Variants in C10orf67 observed in about 807,000 individuals in gnomAD.
C10orf67 encodes the protein uncharacterized protein C10orf67, mitochondrial.
In C10orf67, 60 loss-of-function variants were observed where a neutral mutation model predicts 35.6. That is an observed-to-expected ratio of 1.68 (90% CI 1.37 to 2.09). C10orf67 has a LOEUF of 2.09. Among genes scored for constraint, C10orf67 ranks in the 30% most tolerant of loss-of-function variants. The probability of loss-of-function intolerance (pLI) is 0.00; values close to 1 mark genes in which losing one functional copy is unlikely to be tolerated. For synonymous variants in C10orf67, 167 were observed against 115.8 expected (o/e 1.44, Z -2.84); for missense variants, 474 against 330.2 (o/e 1.44, Z -3.38).
At chr10:23,329,446 T>C (rs1407187545) in intron 2 of C10orf67, among the ~76,000 whole-genome samples, 1 of 152,144 alleles carries the variant, frequency 6.6e-6, no homozygotes, top group Non-Finnish European at 1.5e-5. Context: ...CAGTTTTACA[T>C]GCCAGTTCTA....
chr10:23,282,511 C>T (rs1322313839), intron 7 of C10orf67, among the ~76,000 whole-genome samples: 1 of 152,120 alleles, frequency 6.6e-6, no homozygotes, highest in Non-Finnish European at 1.5e-5. Context: ...ACCTGTAATC[C>T]CAGTGCTTTG....
At chr10:23,250,943 A>G (rs1842436715) in intron 10 of C10orf67, among the ~76,000 whole-genome samples, 1 of 152,072 alleles carries the variant, frequency 6.6e-6, no homozygotes, top group African/African-American at 2.4e-5. Context: ...ACAAAAAATT[A>G]AACATTAGCA....
rs891891923 is a variant in C10orf67, at chr10:23,334,678, C to T, written c.207-1496G>A. 3.9e-5 allele frequency among the ~76,000 whole-genome samples: 6 copies of T among 152,182 alleles called. No homozygotes were observed. In the South Asian group the frequency reaches 6.2e-4, roughly 16 times the overall value. ...CTGCTTGGCAGTGGATGTCCAGGGA[C>T]GGGTGTAGAACCCAGGTCTGAAGAG... On this transcript the variant is annotated intron_variant, in intron 1 of 15. Transcript: ENST00000636213.
intron 4 of C10orf67, among the ~76,000 whole-genome samples, chr10:23,320,042 G>A (rs890484601): frequency 1.3e-5 from 2 of 152,132 alleles, no homozygotes; most frequent in Non-Finnish European, 2.9e-5. Flanking sequence ...CAGTCACAGC[G>A]CTAAAGGCAG....
At chr10:23,211,481 G>T (rs56324652) in intron 15 of C10orf67, among the ~76,000 whole-genome samples, 152 of 74,020 alleles carry the variant, frequency 2.1e-3, no homozygotes, top group African/African-American at 5.8e-3. Context: ...GTGTGTGTGG[G>T]GGGGGGGGGT....
chr10:23,332,903 A>G (rs1845539596), intron 2 of C10orf67, among the ~76,000 whole-genome samples, 159 bp downstream of exon 2: 1 of 152,248 alleles, frequency 6.6e-6, no homozygotes, highest in South Asian at 2.1e-4. Context: ...GTAGTAGCTT[A>G]TATTAATAAT....
chr10:23,298,696 T>C (rs1843970600), intron 5 of C10orf67, among the ~76,000 whole-genome samples: 2 of 151,706 alleles, frequency 1.3e-5, no homozygotes, highest in African/African-American at 4.8e-5. Context: ...TCCTGGTGCC[T>C]TTGGATAATT....
At chr10:23,242,599 G>T (rs900386810) in intron 12 of C10orf67, among the ~76,000 whole-genome samples, 2 of 151,986 alleles carry the variant, frequency 1.3e-5, no homozygotes, top group Non-Finnish European at 2.9e-5. Context: ...AAAACAGAGA[G>T]AATTAAAATT....
At chr10:23,244,529 A>G (rs572209348) in intron 12 of C10orf67, among the ~76,000 whole-genome samples, 4 of 152,310 alleles carry the variant, frequency 2.6e-5, no homozygotes, top group African/African-American at 9.6e-5. Flanking sequence ...AAATAAACAT[A>G]CAAAAATCAA....
chr10:23,303,617 A>G (rs1047256015), intron 4 of C10orf67, among the ~76,000 whole-genome samples, 158 bp from the exon 5 acceptor site: 1 of 152,242 alleles, frequency 6.6e-6, no homozygotes, highest in Non-Finnish European at 1.5e-5. Context: ...TGTAACCTGC[A>G]TACAATTTTA....
chr10:23,225,311 G>A (rs370321933), intron 13 of C10orf67, among the ~76,000 whole-genome samples: 16 of 152,112 alleles, frequency 1.1e-4, no homozygotes, highest in Non-Finnish European at 2.4e-4. Flanking sequence ...TTACAGACAA[G>A]CAAATGCTGA....
rs138599406 is a variant in C10orf67, at chr10:23,287,859, C to T, written c.909+2041G>A. On this transcript the variant is annotated intron_variant, in intron 7 of 15. Transcript: ENST00000636213. ...AGAAGACATTTACGTGGCCAACAAA[C>T]GTGAAAAAAAGCTCAACATCACTGA... Among the ~76,000 whole-genome samples the T allele has an allele frequency of 2.7e-3, 411 of 152,160 alleles. 3 individuals carry two copies. Among genetic ancestry groups the T allele is most frequent in the African/African-American group, 9.5e-3 (394 of 41,514 alleles).
At chr10:23,333,680 A>C (rs1845564135) in intron 1 of C10orf67, among the ~76,000 whole-genome samples, 1 of 152,144 alleles carries the variant, frequency 6.6e-6, no homozygotes, top group African/African-American at 2.4e-5. Context: ...TGTTCAGTGG[A>C]GTTTTCCAGA....
chr10:23,279,207 C>G (rs578219476), intron 8 of C10orf67, among the ~76,000 whole-genome samples: 1 of 152,358 alleles, frequency 6.6e-6, no homozygotes, highest in African/African-American at 2.4e-5. Context: ...GATAGCGAGA[C>G]AGGGACCACA....
intron 7 of C10orf67, among the ~76,000 whole-genome samples, 163 bp from the exon 8 acceptor site, chr10:23,282,241 C>T (rs903607249): frequency 2.0e-5 from 3 of 152,196 alleles, no homozygotes; most frequent in Admixed American, 6.5e-5. Flanking sequence ...TATATTATTA[C>T]GGAATTATTA....
chr10:23,282,861 T>C (rs1397779393), intron 7 of C10orf67, among the ~76,000 whole-genome samples: 5 of 151,908 alleles, frequency 3.3e-5, no homozygotes, highest in East Asian at 3.9e-4. Flanking sequence ...GAGCTAGAAA[T>C]TGAAACAATT....
intron 12 of C10orf67, among the ~76,000 whole-genome samples, chr10:23,242,260 T>A (rs1842203901): frequency 6.6e-6 from 1 of 152,130 alleles, no homozygotes; most frequent in South Asian, 2.1e-4. Flanking sequence ...TGAGCCACCA[T>A]GCCCGGCCTA....
intron 2 of C10orf67, among the ~76,000 whole-genome samples, chr10:23,332,250 A>G (rs1274717762): frequency 6.6e-6 from 1 of 152,240 alleles, no homozygotes; most frequent in East Asian, 1.9e-4. Flanking sequence ...ATATAGAACG[A>G]CTTCCAAGTG....
chr10:23,323,898 T>A (rs1343494748), intron 2 of C10orf67, among the ~76,000 whole-genome samples: 2 of 3,740 alleles, frequency 5.3e-4, no homozygotes, highest in South Asian at 0.016. Context: ...CGTCTAAATA[T>A]ATATATATAT....
Sources: allele counts gnomAD v4.1 joint callset (sites outside exome capture counted in the v4.1 genomes callset), GRCh38; gene constraint gnomAD v4.1.1; transcripts MANE v1.5; gene names NCBI Gene and HGNC (gene_info 2026-07-23, HGNC 2026-07-21).